Variants in ZC3HAV1 observed in about 807,000 individuals in gnomAD.
The protein encoded by ZC3HAV1 is zinc finger CCCH-type containing, antiviral 1.
In ZC3HAV1, 41 loss-of-function variants were observed where a neutral mutation model predicts 86.6. The ratio of observed to expected loss-of-function variants is 0.47; its 90% CI spans 0.37 to 0.61. The LOEUF (loss-of-function observed/expected upper bound fraction) is 0.61, where lower values mean the gene tolerates loss of function less well. Ranked by LOEUF, ZC3HAV1 falls within the 20% of genes least tolerant of loss-of-function variation. The pLI is 0.00. For missense variants in ZC3HAV1, 964 were observed against 1,141.1 expected, an observed-to-expected ratio of 0.84 and a Z score of 2.24; for synonymous variants, 421 against 432.1, an observed-to-expected ratio of 0.97 and a Z score of 0.32.
intron 1 of ZC3HAV1, among the ~76,000 whole-genome samples, chr7:139,092,572 G>C (rs185342964): frequency 6.6e-6 from 1 of 152,354 alleles, no homozygotes; most frequent in Non-Finnish European, 1.5e-5. Context: ...TAGCTGAGGA[G>C]TGTGGCACTT....
intron 3 of ZC3HAV1, among the ~76,000 whole-genome samples, chr7:139,082,735 A>C (rs1261338616): frequency 6.6e-6 from 1 of 152,206 alleles, no homozygotes; most frequent in Non-Finnish European, 1.5e-5. Context: ...AAAAGGATAA[A>C]TATTGTACGA....
chr7:139,104,340 C>T (rs1006346216), intron 1 of ZC3HAV1, among the ~76,000 whole-genome samples: 1 of 152,020 alleles, frequency 6.6e-6, no homozygotes, highest in African/African-American at 2.4e-5. Flanking sequence ...CTGCTTGAAA[C>T]AGTTAACAGA....
At chr7:139,084,834 G>T (rs556286774) in intron 2 of ZC3HAV1, among the ~76,000 whole-genome samples, 1 of 152,326 alleles carries the variant, frequency 6.6e-6, no homozygotes, top group South Asian at 2.1e-4. Flanking sequence ...AATATAATTA[G>T]TAAGAAACCT....
chr7:139,101,643 C>T (rs1156729796), intron 1 of ZC3HAV1, among the ~76,000 whole-genome samples: 1 of 149,108 alleles, frequency 6.7e-6, no homozygotes, highest in African/African-American at 2.5e-5. Flanking sequence ...ACATGGGAGA[C>T]TTCATTTTGT....
rs1293287313 is a variant in ZC3HAV1, at chr7:139,086,033, C to CA, written c.445-2002dup. On this transcript the variant is annotated intron_variant, in intron 2 of 12. Coordinates refer to ENST00000242351, the MANE Select transcript of ZC3HAV1 (RefSeq NM_020119.4). Reference sequence around the variant, plus strand: ...CTCAAAAAAGAAAAAAAAAAAAATCCAAATTGCCCAAACAACAGCTGCAAA... The same window carrying CA: ...CTCAAAAAAGAAAAAAAAAAAAATCCAAAATTGCCCAAACAACAGCTGCAAA... Among the ~76,000 whole-genome samples, 7 of 151,466 alleles carry CA rather than the reference C, an allele frequency of 4.6e-5. No individual in the cohort carries two copies. In the South Asian group the frequency reaches 8.3e-4, roughly 18 times the overall value.
chr7:139,078,701 C>CA, intron 4 of ZC3HAV1, 48 bp from the exon 5 acceptor site: 1 of 1,369,566 alleles, frequency 7.3e-7, no homozygotes, highest in Non-Finnish European at 9.9e-7. Context: ...ATGTTTAAAC[C>CA]AAAAATCAAA....
rs745601147 is a variant in ZC3HAV1, at chr7:139,080,048, G to A, written c.893C>T (p.Thr298Met). The A allele has an allele frequency of 4.3e-6, 7 of 1,614,062 alleles. No homozygotes were observed. The highest frequency in any genetic ancestry group is 3.3e-5 in the Admixed American group (2 of 59,988). ...AGCGCGATCCTGACTCCCCAGATAC[G>A]TGAACTTGCGGGTGAGATCGTCCAC... The part of the protein sequence containing the change: ...APVDDLTRKF[T>M]YLGSQDRARP... Residue 298 changes from threonine to methionine, a missense_variant, in exon 4 of 13, where the codon ACG becomes ATG. By Grantham distance (81) the Thr-to-Met change is moderately conservative (BLOSUM62 -1). Transcript: ENST00000242351.
chr7:139,054,873 C>T (rs960314385), intron 10 of ZC3HAV1, among the ~76,000 whole-genome samples: 3 of 152,126 alleles, frequency 2.0e-5, no homozygotes, highest in Non-Finnish European at 2.9e-5. Flanking sequence ...CTGCAACCTC[C>T]GCCTCCCGGG....
At position 139,064,806 on chromosome 7, in the gene ZC3HAV1, C is replaced by G. The variant is rs1374656386; in HGVS notation, c.1993+73G>C. The G allele has an allele frequency of 1.1e-5, 17 of 1,610,206 alleles. No homozygotes were observed. In the African/African-American group the frequency reaches 2.3e-4, roughly 22 times the overall value. On this transcript the variant is annotated intron_variant, in intron 8 of 12. Coordinates refer to ENST00000242351, the MANE Select transcript of ZC3HAV1 (RefSeq NM_020119.4). ...CTGGCCATAGCAATGCATACCCACTCTGCTCCCACTCCCACGTGTACACTG... is the reference window on the plus strand; with the variant it reads ...CTGGCCATAGCAATGCATACCCACTGTGCTCCCACTCCCACGTGTACACTG...
At chr7:139,099,916 A>AAAAAAAAT (rs1554445399) in intron 1 of ZC3HAV1, among the ~76,000 whole-genome samples, 1 of 149,990 alleles carries the variant, frequency 6.7e-6, no homozygotes, top group Non-Finnish European at 1.5e-5. Flanking sequence ...GACAGAACAA[A>AAAAAAAAT]AAATAAATAA....
chr7:139,096,921 T>C (rs1817605432), intron 1 of ZC3HAV1, among the ~76,000 whole-genome samples: 1 of 151,932 alleles, frequency 6.6e-6, no homozygotes. Flanking sequence ...TAGCTTGAGC[T>C]TAGGAATTCA....
At position 139,078,488 on chromosome 7, in the gene ZC3HAV1, A is replaced by G. The variant is rs1194294329; in HGVS notation, c.1573+64T>C. The G allele has an allele frequency of 4.9e-6, 6 of 1,229,164 alleles. No individual in the cohort carries two copies. In the Admixed American group the frequency reaches 6.7e-5, roughly 14 times the overall value. The allele number at this position is 1,229,164 out of a possible 1,614,324, so 76.1% of individuals were successfully genotyped here. A position where few individuals can be genotyped will look rare whatever the true frequency, so the allele number is the denominator to read the frequency against. ...AGAAGGCATTTGCACACCCATGTTC[A>G]TAGCAGTGTTATTTACAATGGCCAA... On this transcript the variant is annotated intron_variant, in intron 5 of 12. Transcript: ENST00000242351.
chr7:139,097,428 A>ATATATATATTT, intron 1 of ZC3HAV1, among the ~76,000 whole-genome samples: 3 of 48,152 alleles, frequency 6.2e-5, no homozygotes, highest in African/African-American at 3.4e-4. Context: ...ATATATATAT[A>ATATATATATTT]TTTTTTTTTT....
chr7:139,080,854 C>T (rs17160713), intron 3 of ZC3HAV1, among the ~76,000 whole-genome samples: 8,002 of 152,242 alleles, frequency 0.053, 235 homozygotes, highest in Admixed American at 0.066. Flanking sequence ...TTGCCCATAT[C>T]GTGATACGGG....
At position 139,072,989 on chromosome 7, in the gene ZC3HAV1, G is replaced by A. The variant is rs115547654; in HGVS notation, c.1872+867C>T. 2.2e-3 allele frequency among the ~76,000 whole-genome samples: 335 copies of A among 152,186 alleles called. 1 individual carries two copies. Among genetic ancestry groups the A allele is most frequent in the African/African-American group, 7.7e-3 (318 of 41,516 alleles). On this transcript the variant is annotated intron_variant, in intron 7 of 12. Coordinates refer to ENST00000242351, the MANE Select transcript of ZC3HAV1 (RefSeq NM_020119.4). The stretch of plus-strand genomic sequence containing the variant: ...GAAGTGCAGCTGACATGTCTCAAGC[G>A]GTTCCTTAAAAATAATTAATATATG...
At chr7:139,096,100 C>T (rs1007053228) in intron 1 of ZC3HAV1, among the ~76,000 whole-genome samples, 1 of 151,932 alleles carries the variant, frequency 6.6e-6, no homozygotes, top group South Asian at 2.1e-4. Context: ...CCGCAACCTC[C>T]GCCTCCCGGG....
chr7:139,104,955 C>A (rs1397628343), intron 1 of ZC3HAV1, among the ~76,000 whole-genome samples: 1 of 148,430 alleles, frequency 6.7e-6, no homozygotes, highest in Non-Finnish European at 1.5e-5. Context: ...ATCGCTTGAA[C>A]CGGGGAGGCG....
Position 139,048,241 on chromosome 7 carries a change from C to T in ZC3HAV1, c.2450-388G>A, listed in dbSNP as rs147517495. On this transcript the variant is annotated intron_variant, in intron 12 of 12. Transcript: ENST00000242351. ...TCAACTCTAAAACAACCTCAGATAA[C>T]GATTGCTGCTTCCATACACAGCAGA... Among the ~76,000 whole-genome samples, 175 of 152,264 alleles carry T rather than the reference C, an allele frequency of 1.1e-3. 1 individual carries two copies. The highest frequency in any genetic ancestry group is 3.4e-3 in the African/African-American group (143 of 41,548).
chr7:139,089,642 A>G lies in ZC3HAV1; in HGVS notation c.426T>C (p.Asp142=), dbSNP rs138953425. The change falls in exon 2 of 13, where the codon GAT becomes GAC. Residue 142 remains aspartate, a synonymous_variant. Coordinates refer to ENST00000242351, the MANE Select transcript of ZC3HAV1 (RefSeq NM_020119.4). ...EELAVLLLQS[D]PFFMPEICKS... ...AACTTACCTCGGGCATAAAAAAAGGATCACTTTGGAGGAGGAGCACTGCTA... is the reference window on the plus strand; with the variant it reads ...AACTTACCTCGGGCATAAAAAAAGGGTCACTTTGGAGGAGGAGCACTGCTA... The G allele has an allele frequency of 5.2e-5, 83 of 1,604,772 alleles. No homozygotes were observed. Among genetic ancestry groups the G allele is most frequent in the Non-Finnish European group, 6.5e-5 (77 of 1,176,670 alleles).
Sources: allele counts gnomAD v4.1 joint callset (sites outside exome capture counted in the v4.1 genomes callset), GRCh38; gene constraint gnomAD v4.1.1; transcripts MANE v1.5; gene names NCBI Gene and HGNC (gene_info 2026-07-23, HGNC 2026-07-21).